The following CMSS1 variants were observed in gnomAD, a reference collection of about 807,000 sequenced individuals.
CMSS1 encodes the protein cms1 ribosomal small subunit homolog, also known as protein CMSS1.
A neutral mutation model predicts 43.5 loss-of-function variants in CMSS1; 33 were observed. That is an observed-to-expected ratio of 0.76 (90% CI 0.57 to 1.01). The LOEUF (loss-of-function observed/expected upper bound fraction) is 1.01, where lower values mean the gene tolerates loss of function less well. Among genes scored for constraint, CMSS1 ranks in the 50% least tolerant of loss-of-function variants. The pLI is 0.00. For synonymous variants in CMSS1, 115 were observed against 117.2 expected (o/e 0.98, Z 0.12); for missense variants, 313 against 326.4 (o/e 0.96, Z 0.32).
intron 1 of CMSS1, among the ~76,000 whole-genome samples, chr3:99,988,236 G>A (rs931877901): frequency 4.0e-5 from 6 of 150,434 alleles, no homozygotes; most frequent in Non-Finnish European, 5.9e-5. Flanking sequence ...AGTGCCTCAC[G>A]CCTGTAATCC....
intron 1 of CMSS1, among the ~76,000 whole-genome samples, chr3:99,920,721 G>A (rs1241793838): frequency 6.6e-6 from 1 of 152,166 alleles, no homozygotes; most frequent in Non-Finnish European, 1.5e-5. Flanking sequence ...ACATCACTTG[G>A]CAAACATTTT....
At chr3:99,981,968 A>G (rs1308728954) in intron 1 of CMSS1, among the ~76,000 whole-genome samples, 1 of 152,210 alleles carries the variant, frequency 6.6e-6, no homozygotes, top group African/African-American at 2.4e-5. Flanking sequence ...TCTACAAAAA[A>G]TTAAACAACA....
At position 100,042,153 on chromosome 3, in the gene CMSS1, G is replaced by T. The variant is rs1480436603; in HGVS notation, c.65-104820G>T. 4.6e-5 allele frequency among the ~76,000 whole-genome samples: 7 copies of T among 152,238 alleles called. 1 individual carries two copies. Among genetic ancestry groups the T allele is most frequent in the Non-Finnish European group, 1.0e-4 (7 of 68,024 alleles). On this transcript the variant is annotated intron_variant, in intron 1 of 9. Transcript: ENST00000421999. ...AATGTAGTCATTATTACATATTAAA[G>T]GATCTACAAAGGGCAAAAATTGTGG...
chr3:99,828,975 T>C (rs1403377890), intron 1 of CMSS1, among the ~76,000 whole-genome samples: 1 of 152,088 alleles, frequency 6.6e-6, no homozygotes, highest in Admixed American at 6.5e-5. Flanking sequence ...TCCCTTTCAA[T>C]GCTGCCCAGG....
intron 1 of CMSS1, among the ~76,000 whole-genome samples, chr3:100,010,484 A>T (rs975936744): frequency 2.0e-5 from 3 of 152,156 alleles, no homozygotes; most frequent in Non-Finnish European, 4.4e-5. Context: ...AGAAAGGACC[A>T]TGCTTACTTC....
At chr3:99,855,783 A>G (rs1943933270) in intron 1 of CMSS1, among the ~76,000 whole-genome samples, 1 of 152,004 alleles carries the variant, frequency 6.6e-6, no homozygotes, top group Non-Finnish European at 1.5e-5. Flanking sequence ...AAAACTAAGT[A>G]CTCCTTTTCA....
intron 1 of CMSS1, among the ~76,000 whole-genome samples, chr3:99,861,502 GCTT>G (rs1284561991): frequency 6.6e-6 from 1 of 152,090 alleles, no homozygotes; most frequent in Admixed American, 6.5e-5. Flanking sequence ...GGTTCCTAAT[GCTT>G]TCATTGTTTA....
At chr3:100,047,557 A>G (rs1031983459) in intron 1 of CMSS1, among the ~76,000 whole-genome samples, 1 of 152,216 alleles carries the variant, frequency 6.6e-6, no homozygotes, top group African/African-American at 2.4e-5. Flanking sequence ...GGCCACAAAT[A>G]AAACACTGGT....
chr3:100,109,031 C>T (rs1438829781), intron 1 of CMSS1, among the ~76,000 whole-genome samples: 9 of 150,648 alleles, frequency 6.0e-5, no homozygotes, highest in Non-Finnish European at 1.2e-4. Flanking sequence ...CGGTATTATA[C>T]AAGAACAGAG....
chr3:100,058,039 C>G (rs1460804751), intron 1 of CMSS1, among the ~76,000 whole-genome samples: 1 of 152,200 alleles, frequency 6.6e-6, no homozygotes, highest in South Asian at 2.1e-4. Context: ...CCACTCATGC[C>G]TCAAAGTAAT....
chr3:100,125,914 C>G (rs1400915188), intron 1 of CMSS1, among the ~76,000 whole-genome samples: 1 of 152,112 alleles, frequency 6.6e-6, no homozygotes, highest in Non-Finnish European at 1.5e-5. Context: ...AAATGGTGCT[C>G]TGGAACAATG....
intron 1 of CMSS1, among the ~76,000 whole-genome samples, chr3:100,104,554 A>G (rs1377733485): frequency 6.6e-6 from 1 of 152,210 alleles, no homozygotes; most frequent in Admixed American, 6.5e-5. Flanking sequence ...CCCAAGACCC[A>G]GAGGACAGTG....
intron 1 of CMSS1, among the ~76,000 whole-genome samples, chr3:99,996,864 A>T (rs1182493474): frequency 6.6e-6 from 1 of 151,762 alleles, no homozygotes; most frequent in African/African-American, 2.4e-5. Context: ...ACAATTCAAG[A>T]TGAGATTTGG....
intron 1 of CMSS1, among the ~76,000 whole-genome samples, chr3:100,075,878 A>T (rs980388638): frequency 6.6e-6 from 1 of 152,208 alleles, no homozygotes. Context: ...TCTTGAGCTA[A>T]TCCTTCTGGG....
intron 1 of CMSS1, among the ~76,000 whole-genome samples, chr3:99,859,116 A>T (rs909333920): frequency 2.6e-5 from 4 of 152,262 alleles, no homozygotes; most frequent in Non-Finnish European, 4.4e-5. Context: ...CCAATTTGAA[A>T]TAAGAGTATG....
chr3:99,986,723 C>G (rs1270076995), intron 1 of CMSS1, among the ~76,000 whole-genome samples: 1 of 151,762 alleles, frequency 6.6e-6, no homozygotes, highest in African/African-American at 2.4e-5. Context: ...GTCTAGTGGC[C>G]CTAAGCGGGG....
intron 2 of CMSS1, among the ~76,000 whole-genome samples, chr3:100,156,897 G>A (rs1011163135): frequency 3.3e-5 from 5 of 151,916 alleles, no homozygotes; most frequent in Admixed American, 2.0e-4. Context: ...TTACAGGTGT[G>A]AGCCACCACG....
chr3:100,011,975 T>A (rs189932636), intron 1 of CMSS1, among the ~76,000 whole-genome samples: 1 of 152,250 alleles, frequency 6.6e-6, no homozygotes, highest in South Asian at 2.1e-4. Context: ...GGCTGCTTTC[T>A]GATATTTCGA....
At chr3:100,106,513 AC>A (rs543378487) in intron 1 of CMSS1, among the ~76,000 whole-genome samples, 133 of 152,206 alleles carry the variant, frequency 8.7e-4, no homozygotes, top group African/African-American at 3.0e-3. Flanking sequence ...GCACCCAGAA[AC>A]CCCACTTTGA....
Sources: allele counts gnomAD v4.1 joint callset (sites outside exome capture counted in the v4.1 genomes callset), GRCh38; gene constraint gnomAD v4.1.1; transcripts MANE v1.5; gene names NCBI Gene and HGNC (gene_info 2026-07-23, HGNC 2026-07-21).